TNRC18: variants seen among roughly 807,000 people sequenced by gnomAD.
TNRC18 encodes trinucleotide repeat-containing gene 18 protein.
A neutral mutation model predicts 226.7 loss-of-function variants in TNRC18; 69 were observed. The ratio of observed to expected loss-of-function variants is 0.30; its 90% CI spans 0.25 to 0.37. The LOEUF (loss-of-function observed/expected upper bound fraction) is 0.37, where lower values mean the gene tolerates loss of function less well. Among genes scored for constraint, TNRC18 ranks in the 10% least tolerant of loss-of-function variants. TNRC18 has a pLI of 1.00. For synonymous variants in TNRC18, 2,449 were observed against 1,927.6 expected (o/e 1.27, Z -7.09); for missense variants, 4,754 against 4,256.6 (o/e 1.12, Z -3.25).
intron 17 of TNRC18, among the ~76,000 whole-genome samples, chr7:5,350,612 A>G (rs80186772): frequency 0.078 from 11,940 of 152,214 alleles, 626 homozygotes; most frequent in East Asian, 0.19. Context: ...GCAAATCCTA[A>G]AACCAGGGCT....
At chr7:5,420,579 G>C (rs893301692) in intron 2 of TNRC18, 1 of 451,254 alleles carries the variant, frequency 2.2e-6, no homozygotes, top group Non-Finnish European at 4.5e-6. Flanking sequence ...CCGGCGCTCG[G>C]TAACTGCCAG....
chr7:5,345,510 G>A (rs941213966), intron 18 of TNRC18, 52 bp downstream of exon 18: 17 of 473,952 alleles, frequency 3.6e-5, no homozygotes, highest in African/African-American at 2.8e-4. Flanking sequence ...ATGGGGCAAT[G>A]GCGTCCGCCC....
rs200992316 is a variant in TNRC18 at position 5,377,539 on chromosome 7, G to A, written c.2293C>T (p.Pro765Ser). 4.6e-3 allele frequency: 7,347 copies of A among 1,590,144 alleles called. 26 individuals are homozygous for A. Among genetic ancestry groups the A allele is most frequent in the Non-Finnish European group, 5.8e-3 (6,734 of 1,168,814 alleles). Residue 765 changes from proline to serine, a missense_variant, in exon 7 of 30, where the codon CCT becomes TCT. Coordinates refer to ENST00000430969, the MANE Select transcript of TNRC18 (RefSeq NM_001080495.3). This position sits in a 1 kb window ranked among gnomAD's most constrained non-coding sequence, Gnocchi z 5.8. ...KELADLARLH[P>S]TSCAPNGLNP... The stretch of plus-strand genomic sequence containing the variant: ...AGGCCGTTAGGAGCACAGCTGGTAG[G>A]GTGCAGGCGGGCCAGGTCAGCCAGC...
At position 5,362,679 on chromosome 7, in the gene TNRC18, ACTT is replaced by A. The variant is rs1793182570; in HGVS notation, c.4363_4365del (p.Lys1455del). 6.3e-7 allele frequency: 1 copy of A among 1,589,068 alleles called. No individual in the cohort carries two copies. Reference sequence around the variant, plus strand: ...TCCTCCTTCTTGCGCATCCAGCTGTACTTCTTGTTGGGCTTCAGCTCCCGCGGG... The same window carrying A: ...TCCTCCTTCTTGCGCATCCAGCTGTACTTGTTGGGCTTCAGCTCCCGCGGG... On this transcript the variant is annotated inframe_deletion, in exon 12 of 30. Transcript: ENST00000430969.
intron 17 of TNRC18, 40 bp downstream of exon 17, chr7:5,351,779 T>TA: frequency 6.5e-7 from 1 of 1,528,798 alleles, no homozygotes; most frequent in Non-Finnish European, 8.8e-7. Flanking sequence ...ACTCTCTCGC[T>TA]AGGAAACACG....
At chr7:5,356,817 A>T in intron 16 of TNRC18, 99 bp downstream of exon 16, 3 of 1,364,332 alleles carry the variant, frequency 2.2e-6, no homozygotes, top group Non-Finnish European at 2.9e-6. Flanking sequence ...AGAGCGAGAG[A>T]GAGAGTGAGG....
chr7:5,338,258 G>C (rs1442199010), intron 18 of TNRC18, among the ~76,000 whole-genome samples: 1 of 152,024 alleles, frequency 6.6e-6, no homozygotes, highest in Non-Finnish European at 1.5e-5. Context: ...AAATAAATTT[G>C]TTTAAAAGGC....
intron 10 of TNRC18, among the ~76,000 whole-genome samples, chr7:5,372,739 G>A (rs1794283678): frequency 6.6e-6 from 1 of 152,048 alleles, no homozygotes; most frequent in Non-Finnish European, 1.5e-5. Flanking sequence ...TGTAACAGCA[G>A]GGCTAGCTGC....
At chr7:5,361,475 A>C (rs1239343087) in intron 14 of TNRC18, 119 bp downstream of exon 14, 4 of 1,226,926 alleles carry the variant, frequency 3.3e-6, no homozygotes, top group Non-Finnish European at 4.3e-6. Flanking sequence ...TGCTGCGGGT[A>C]GGTCAGAGCC....
chr7:5,309,978 T>A lies in TNRC18; in HGVS notation c.8389-610A>T, dbSNP rs1231086224. Reference sequence around the variant, plus strand: ...CCCAGGCAGGACTGCAGTGGTAATATCATAGCTCACTGCAGCCTCGATCTC... The same window carrying A: ...CCCAGGCAGGACTGCAGTGGTAATAACATAGCTCACTGCAGCCTCGATCTC... On this transcript the variant is annotated intron_variant, in intron 27 of 29. Coordinates refer to ENST00000430969, the MANE Select transcript of TNRC18 (RefSeq NM_001080495.3). This position sits in a 1 kb window ranked among gnomAD's most constrained non-coding sequence, Gnocchi z 5.7. Among the ~76,000 whole-genome samples, 2 of 152,140 alleles carry A rather than the reference T, an allele frequency of 1.3e-5. No individual in the cohort carries two copies. The highest frequency in any genetic ancestry group is 2.9e-5 in the Non-Finnish European group (2 of 68,018).
Position 5,377,943 on chromosome 7 carries a change from C to G in TNRC18, c.2234G>C (p.Arg745Pro). 6.2e-7 allele frequency: 1 copy of G among 1,613,628 alleles called. No individual in the cohort carries two copies. The highest frequency in any genetic ancestry group is 8.5e-7 in the Non-Finnish European group (1 of 1,179,804). ...TCACCTGAGCAGCTTCTCCTGATCCCGGTCCAGCCGTGCCCCGAGCAGCCG... is the reference window on the plus strand; with the variant it reads ...TCACCTGAGCAGCTTCTCCTGATCCGGGTCCAGCCGTGCCCCGAGCAGCCG... Reference protein sequence around the residue: ...EERLLGARLDRDQEKLLRESK... With the variant: ...EERLLGARLDPDQEKLLRESK... The change falls in exon 6 of 30, where the codon CGG becomes CCG. Residue 745 changes from arginine to proline, a missense_variant. Physicochemically the swap from Arg to Pro is moderately radical, Grantham distance 103. Transcript: ENST00000430969. The surrounding 1 kb of genome is among the most constrained non-coding windows in gnomAD (Gnocchi z 5.8).
chr7:5,317,875 A>T (rs998072694), intron 24 of TNRC18, among the ~76,000 whole-genome samples: 8 of 146,272 alleles, frequency 5.5e-5, no homozygotes, highest in East Asian at 2.0e-4. Context: ...CTGGATAATA[A>T]TTTTTTTTTT....
chr7:5,422,337 C>CG, intron 1 of TNRC18, among the ~76,000 whole-genome samples: 1 of 141,068 alleles, frequency 7.1e-6, no homozygotes, highest in Non-Finnish European at 1.6e-5. Context: ...CTTCCCCCCC[C>CG]ACAACCACCC....
At position 5,376,830 on chromosome 7, in the gene TNRC18, ATAGAAG is replaced by A. The variant is rs1562576932; in HGVS notation, c.2608+11_2608+16del. On this transcript the variant is annotated intron_variant, in intron 8 of 29. Coordinates refer to ENST00000430969, the MANE Select transcript of TNRC18 (RefSeq NM_001080495.3). ...GGCCAGTCTGGCCCATGGTGGCCAC[ATAGAAG>A]GTCCACTTACCAAAGTGAGGAAGGT... 6.2e-7 allele frequency: 1 copy of A among 1,607,286 alleles called. No homozygotes were observed. Among genetic ancestry groups the A allele is most frequent in the South Asian group, 1.1e-5 (1 of 89,578 alleles).
chr7:5,372,572 G>A lies in TNRC18; in HGVS notation c.3230-1208C>T, dbSNP rs1794271387. Among the ~76,000 whole-genome samples, 7 of 152,094 alleles carry A rather than the reference G, an allele frequency of 4.6e-5. No individual in the cohort carries two copies. In the South Asian group the frequency reaches 1.4e-3, roughly 31 times the overall value. ...AAAAAAAAAGAAAAAAAAATTAGCT[G>A]GTCATGGTGGCGCACCCCTGTAATC... is the stretch of plus-strand genomic sequence containing the variant. On this transcript the variant is annotated intron_variant, in intron 10 of 29. Coordinates refer to ENST00000430969, the MANE Select transcript of TNRC18 (RefSeq NM_001080495.3).
chr7:5,421,145 A>G lies in TNRC18; in HGVS notation c.102T>C (p.Thr34=), dbSNP rs1008451848. 7.0e-7 allele frequency: 1 copy of G among 1,435,440 alleles called. No homozygotes were observed. The highest frequency in any genetic ancestry group is 2.8e-5 in the Admixed American group (1 of 35,288). The allele number at this position is 1,435,440 out of a possible 1,614,324, so 88.9% of individuals were successfully genotyped here. A position where few individuals can be genotyped will look rare whatever the true frequency, so the allele number is the denominator to read the frequency against. The change falls in exon 2 of 30, where the codon ACT becomes ACC. Residue 34 remains threonine (T), a synonymous_variant. Coordinates refer to ENST00000430969, the MANE Select transcript of TNRC18 (RefSeq NM_001080495.3). ...AMDSHRVGAA[T]AGRLPASGLP... is the part of the protein sequence containing the mutation. ...AGCCCGAGGCGGGCAAGCGTCCGGC[A>G]GTGGCCGCGCCCACGCGGTGGCTGT... is the stretch of plus-strand genomic sequence containing the variant.
At chr7:5,360,655 C>T (rs1054296884) in intron 14 of TNRC18, among the ~76,000 whole-genome samples, 1 of 152,176 alleles carries the variant, frequency 6.6e-6, no homozygotes, top group East Asian at 1.9e-4. Flanking sequence ...GCAGGCCACA[C>T]CCCTGACCAC....
At chr7:5,366,287 G>C (rs568050533) in intron 11 of TNRC18, among the ~76,000 whole-genome samples, 1 of 135,882 alleles carries the variant, frequency 7.4e-6, no homozygotes, top group Admixed American at 7.3e-5. Flanking sequence ...ATCATCCCTA[G>C]TTGAGAATGC....
chr7:5,375,375 T>C (rs775256694), intron 9 of TNRC18, among the ~76,000 whole-genome samples: 10 of 152,088 alleles, frequency 6.6e-5, no homozygotes, highest in Non-Finnish European at 1.0e-4. Context: ...CAGGCCGCTC[T>C]CCCGATTACT....
Sources: allele counts gnomAD v4.1 joint callset (sites outside exome capture counted in the v4.1 genomes callset), GRCh38; gene constraint gnomAD v4.1.1; non-coding constraint Gnocchi (gnomAD v3.1); transcripts MANE v1.5; gene names NCBI Gene and HGNC (gene_info 2026-07-23, HGNC 2026-07-21).